FBXO16: variants seen among roughly 807,000 people sequenced by gnomAD.
The protein encoded by FBXO16 is F-box protein 16.
In FBXO16, 31 loss-of-function variants were observed where a neutral mutation model predicts 41.0. The observed-to-expected ratio is 0.76, with a 90% confidence interval of 0.57 to 1.02. The LOEUF (loss-of-function observed/expected upper bound fraction) is 1.02, where lower values mean the gene tolerates loss of function less well. FBXO16 is among the 50% of genes least tolerant of loss of function. The pLI is 0.00. For synonymous variants in FBXO16, 133 were observed against 117.8 expected (o/e 1.13, Z -0.84); for missense variants, 361 against 346.2 (o/e 1.04, Z -0.34).
chr8:28,430,701 G>T (rs1257540426), intron 7 of FBXO16, among the ~76,000 whole-genome samples: 1 of 152,210 alleles, frequency 6.6e-6, no homozygotes, highest in Non-Finnish European at 1.5e-5. Context: ...GCCAGGCGCA[G>T]TGGCTCATGC....
chr8:28,436,719 C>T (rs778954134), intron 7 of FBXO16, among the ~76,000 whole-genome samples: 1 of 152,086 alleles, frequency 6.6e-6, no homozygotes, highest in Non-Finnish European at 1.5e-5. Context: ...AACACACATA[C>T]ACACACACAT....
chr8:28,433,036 C>T (rs1390518062), intron 7 of FBXO16, among the ~76,000 whole-genome samples: 1 of 150,064 alleles, frequency 6.7e-6, no homozygotes, highest in Non-Finnish European at 1.5e-5. Context: ...ACTCCAGCCT[C>T]GGCGACAGAG....
At chr8:28,428,871 A>G (rs1585885334) in intron 8 of FBXO16, 135 bp from the exon 9 acceptor site, 2 of 1,022,340 alleles carry the variant, frequency 2.0e-6, no homozygotes, top group Admixed American at 6.7e-5. Flanking sequence ...GAGATTTCCC[A>G]ACTTCACTCC....
chr8:28,448,952 A>G (rs1802908726), intron 6 of FBXO16: 1 of 152,246 alleles, frequency 6.6e-6, no homozygotes, highest in South Asian at 2.1e-4. Flanking sequence ...TGCCATTTAC[A>G]GGAAAAGTTT....
intron 4 of FBXO16, 32 bp from the exon 5 acceptor site, chr8:28,456,962 A>T (rs763419923): frequency 6.3e-7 from 1 of 1,598,616 alleles, no homozygotes; most frequent in South Asian, 1.1e-5. Context: ...AACAAAACCA[A>T]ATCAAACAAC....
chr8:28,459,620 C>CAAA (rs1203607328), intron 4 of FBXO16, among the ~76,000 whole-genome samples: 39 of 95,354 alleles, frequency 4.1e-4, no homozygotes, highest in East Asian at 1.0e-3. Context: ...GACCCTGTCT[C>CAAA]AAAAATAATA....
Position 28,446,480 on chromosome 8 carries a change from A to G in FBXO16, c.843+691T>C, listed in dbSNP as rs554110215. Among the ~76,000 whole-genome samples the G allele has an allele frequency of 2.0e-5, 3 of 151,656 alleles. 1 individual carries two copies. In the East Asian group the frequency reaches 5.9e-4, roughly 30 times the overall value. On this transcript the variant is annotated intron_variant, in intron 7 of 8. Transcript: ENST00000380254. ...GAGCCACCATGCCTGGCCTAAATGC[A>G]CTTAGATGAGGAGAACCTTCACTTA...
At chr8:28,432,271 C>T (rs1387999202) in intron 7 of FBXO16, among the ~76,000 whole-genome samples, 5 of 151,754 alleles carry the variant, frequency 3.3e-5, no homozygotes, top group African/African-American at 7.3e-5. Flanking sequence ...GTCAGGAGTT[C>T]GAGACCAGCC....
At chr8:28,465,074 C>T (rs1195305883) in intron 3 of FBXO16, 1 of 152,952 alleles carries the variant, frequency 6.5e-6, no homozygotes, top group African/African-American at 2.4e-5. Flanking sequence ...AAGTTAACTT[C>T]ATCACAGTTG....
intron 7 of FBXO16, among the ~76,000 whole-genome samples, chr8:28,439,198 G>A (rs554905955): frequency 4.4e-4 from 67 of 152,058 alleles, no homozygotes; most frequent in Non-Finnish European, 8.8e-4. Context: ...TGGGGATTTA[G>A]GTAGGTGTCA....
In FBXO16 at chr8:28,452,437, G is replaced by C. The variant is rs773065842; in HGVS notation, c.547C>G (p.Leu183Val). The C allele has an allele frequency of 3.1e-6, 5 of 1,614,020 alleles. No individual in the cohort carries two copies. In the African/African-American group the frequency reaches 6.7e-5, roughly 22 times the overall value. Residue 183 changes from leucine to valine, a missense_variant, in exon 6 of 9, where the codon CTA (leucine) becomes GTA (valine). Physicochemically the swap from Leu to Val is conservative, Grantham distance 32. Coordinates refer to ENST00000380254, the MANE Select transcript of FBXO16 (RefSeq NM_172366.4). ...TCCTCTGGAGAATTGCTTGTAACTAGTTGAACGTCAGCGATTACAAATCCA... is the reference window on the plus strand; with the variant it reads ...TCCTCTGGAGAATTGCTTGTAACTACTTGAACGTCAGCGATTACAAATCCA... ...KDGFVIADVQ[L>V]VTSNSPEEKQ...
intron 7 of FBXO16, among the ~76,000 whole-genome samples, chr8:28,441,004 T>C (rs1017668037): frequency 6.6e-6 from 1 of 152,190 alleles, no homozygotes. Context: ...CTGTGAATTG[T>C]CCTAAGGAGT....
At chr8:28,461,304 T>C (rs1368829811) in intron 4 of FBXO16, among the ~76,000 whole-genome samples, 1 of 152,164 alleles carries the variant, frequency 6.6e-6, no homozygotes, top group Admixed American at 6.5e-5. Context: ...TTATTTGAAA[T>C]GTTAACACTG....
intron 3 of FBXO16, among the ~76,000 whole-genome samples, chr8:28,466,832 G>T (rs1258736345): frequency 6.6e-6 from 1 of 152,206 alleles, no homozygotes; most frequent in Non-Finnish European, 1.5e-5. Flanking sequence ...GTGTGGGAGA[G>T]CTGGGGAGTG....
At position 28,452,414 on chromosome 8, in the gene FBXO16, C is replaced by T. The variant is rs747889711; in HGVS notation, c.570G>A (p.Glu190=). The T allele has an allele frequency of 6.2e-7, 1 of 1,614,194 alleles. No individual in the cohort carries two copies. Among genetic ancestry groups the T allele is most frequent in the Non-Finnish European group, 8.5e-7 (1 of 1,180,038 alleles). ...AAGCTGATAAAGGGGACTGTTTTTC[C>T]TCTGGAGAATTGCTTGTAACTAGTT... ...DVQLVTSNSP[E]EKQSPLSAFR... Residue 190 remains glutamate, a synonymous_variant, in exon 6 of 9, where the codon GAG becomes GAA. Coordinates refer to ENST00000380254, the MANE Select transcript of FBXO16 (RefSeq NM_172366.4).
At chr8:28,466,956 T>G in intron 3 of FBXO16, among the ~76,000 whole-genome samples, 1 of 145,092 alleles carries the variant, frequency 6.9e-6, no homozygotes, top group East Asian at 2.1e-4. Flanking sequence ...TCATTCTGTT[T>G]TTTTAGAGAC....
chr8:28,429,475 GGA>G (rs1802576195), intron 7 of FBXO16, 72 bp from the exon 8 acceptor site: 8 of 1,573,242 alleles, frequency 5.1e-6, no homozygotes, highest in South Asian at 1.1e-5. Context: ...GAGCTTGAAG[GGA>G]GAGAGAGTGA....
chr8:28,443,782 A>C (rs1230590961), intron 7 of FBXO16, among the ~76,000 whole-genome samples: 1 of 152,074 alleles, frequency 6.6e-6, no homozygotes, highest in Non-Finnish European at 1.5e-5. Context: ...GCCGGCCAAA[A>C]CCCACCAAAA....
Position 28,461,893 on chromosome 8 carries a change from A to AT in FBXO16, c.342+1718dup, listed in dbSNP as rs199892652. Among the ~76,000 whole-genome samples, 5 of 151,036 alleles carry AT rather than the reference A, an allele frequency of 3.3e-5. No individual in the cohort carries two copies. The East Asian group carries it at 7.7e-4, about 23-fold the overall frequency. ...TTTATCTGTCTTTTATCCTACTGAA[A>AT]TTTTTTTTTCCAGAGAGTTGCTCAA... On this transcript the variant is annotated intron_variant, in intron 4 of 8. Coordinates refer to ENST00000380254, the MANE Select transcript of FBXO16 (RefSeq NM_172366.4).
Sources: gnomAD v4.1 joint callset for allele counts (sites outside exome capture counted in the v4.1 genomes callset) on GRCh38, gnomAD v4.1.1 for gene constraint, MANE v1.5 for transcripts, NCBI Gene and HGNC (gene_info 2026-07-23, HGNC 2026-07-21) for gene names.